Variants in ITFG1 observed in about 807,000 individuals in gnomAD.
ITFG1 encodes the protein integrin alpha FG-GAP repeat containing 1.
In ITFG1, 34 loss-of-function variants were observed where a neutral mutation model predicts 81.8. The ratio of observed to expected loss-of-function variants is 0.42; its 90% CI spans 0.32 to 0.55. ITFG1 has a LOEUF of 0.55. ITFG1 is among the 20% of genes least tolerant of loss of function. ITFG1 has a pLI of 0.17. For missense variants in ITFG1, 672 were observed against 755.4 expected, an observed-to-expected ratio of 0.89 and a Z score of 1.29; for synonymous variants, 285 against 270.6, an observed-to-expected ratio of 1.05 and a Z score of -0.52.
chr16:47,347,058 T>C lies in ITFG1; in HGVS notation c.802+18730A>G, dbSNP rs538917318. Among the ~76,000 whole-genome samples, 9 of 152,216 alleles carry C rather than the reference T, an allele frequency of 5.9e-5. No homozygotes were observed. In the South Asian group the frequency reaches 1.0e-3, roughly 18 times the overall value. ...ACAACACATTAAAGATTCACCACGA[T>C]TGGGGCGGTTCCAAGATGGCCGAAT... On this transcript the variant is annotated intron_variant, in intron 8 of 17. Transcript: ENST00000320640.
chr16:47,336,668 G>A lies in ITFG1; in HGVS notation c.803-22845C>T, dbSNP rs569860943. Among the ~76,000 whole-genome samples the A allele has an allele frequency of 2.6e-5, 4 of 152,190 alleles. 1 individual carries two copies. Among genetic ancestry groups the A allele is most frequent in the South Asian group, 4.2e-4 (2 of 4,814 alleles). ...CTGGAGAAAAAGCTAAGGGAAATTC[G>A]TTAAGAAATTAGGGGTCGGGCATGG... On this transcript the variant is annotated intron_variant, in intron 8 of 17. Transcript: ENST00000320640.
chr16:47,345,220 G>A (rs181632195), intron 8 of ITFG1, among the ~76,000 whole-genome samples: 1 of 151,940 alleles, frequency 6.6e-6, no homozygotes, highest in African/African-American at 2.4e-5. Flanking sequence ...ATGGTCTTGA[G>A]CTACACATGA....
chr16:47,432,647 A>C (rs769492954), intron 5 of ITFG1, among the ~76,000 whole-genome samples: 23 of 152,380 alleles, frequency 1.5e-4, no homozygotes, highest in Middle Eastern at 3.4e-3. Flanking sequence ...CATGGTAATA[A>C]GAAAATATTA....
chr16:47,419,352 T>A (rs1413970592), intron 6 of ITFG1, among the ~76,000 whole-genome samples: 3 of 152,016 alleles, frequency 2.0e-5, no homozygotes. Flanking sequence ...CACTGCAGCC[T>A]CAACCTCCCA....
intron 2 of ITFG1, among the ~76,000 whole-genome samples, 157 bp downstream of exon 2, chr16:47,458,946 C>T (rs1221291354): frequency 6.6e-6 from 1 of 152,144 alleles, no homozygotes; most frequent in Non-Finnish European, 1.5e-5. Context: ...GGTATTTTCA[C>T]TATTTTTCCA....
At chr16:47,460,081 TCAAAG>T (rs1386225624) in intron 1 of ITFG1, among the ~76,000 whole-genome samples, 1 of 152,206 alleles carries the variant, frequency 6.6e-6, no homozygotes, top group Non-Finnish European at 1.5e-5. Context: ...TTAACGATTG[TCAAAG>T]CAAAGAATTT....
chr16:47,267,959 C>T (rs570858347), intron 10 of ITFG1, among the ~76,000 whole-genome samples: 1 of 151,736 alleles, frequency 6.6e-6, no homozygotes, highest in African/African-American at 2.4e-5. Context: ...AACAAATGAC[C>T]TCAGTTACCT....
chr16:47,390,656 C>T (rs1335079610), intron 6 of ITFG1, among the ~76,000 whole-genome samples: 1 of 152,056 alleles, frequency 6.6e-6, no homozygotes, highest in Non-Finnish European at 1.5e-5. Context: ...GATGGGGTTT[C>T]ACCATGTTGG....
Position 47,303,095 on chromosome 16 carries a change from C to A in ITFG1, c.1070+8145G>T, listed in dbSNP as rs375268595. On this transcript the variant is annotated intron_variant, in intron 10 of 17. Transcript: ENST00000320640. ...GACCATGCTGGCTAACAAGGTGAAA[C>A]CCCGTCTCTACTAAAAATACAAAAA... is the stretch of plus-strand genomic sequence containing the variant. 5.3e-5 allele frequency among the ~76,000 whole-genome samples: 8 copies of A among 152,164 alleles called. No homozygotes were observed. In the East Asian group the frequency reaches 5.8e-4, roughly 11 times the overall value.
chr16:47,290,019 C>G (rs889926979), intron 10 of ITFG1, among the ~76,000 whole-genome samples: 1 of 152,044 alleles, frequency 6.6e-6, no homozygotes, highest in Non-Finnish European at 1.5e-5. Flanking sequence ...ATGCTGTTTT[C>G]CTATCTTCAT....
At chr16:47,360,034 C>T (rs898747478) in intron 8 of ITFG1, among the ~76,000 whole-genome samples, 2 of 152,094 alleles carry the variant, frequency 1.3e-5, no homozygotes, top group South Asian at 2.1e-4. Flanking sequence ...AACTCTAAAA[C>T]GTTTTTTGAA....
intron 15 of ITFG1, 68 bp downstream of exon 15, chr16:47,162,472 A>C: frequency 8.1e-7 from 1 of 1,236,358 alleles, no homozygotes; most frequent in South Asian, 1.6e-5. Flanking sequence ...CAAATTATTT[A>C]ATTTAAATAC....
At chr16:47,170,736 C>T (rs372848743) in intron 14 of ITFG1, among the ~76,000 whole-genome samples, 8 of 121,178 alleles carry the variant, frequency 6.6e-5, no homozygotes, top group Non-Finnish European at 9.8e-5. Flanking sequence ...TCTAGATTAT[C>T]TTTTTTTTTT....
chr16:47,313,333 A>G (rs2151565324), intron 9 of ITFG1, among the ~76,000 whole-genome samples: 1 of 152,326 alleles, frequency 6.6e-6, no homozygotes, highest in South Asian at 2.1e-4. Flanking sequence ...CTTACCTACA[A>G]GCTACAGGTA....
chr16:47,454,310 T>C lies in ITFG1; in HGVS notation c.282-152A>G, dbSNP rs181700623. Reference sequence around the variant, plus strand: ...CTCTTTCCTATCTTTTCATCCATCATGTATTTAGACCTCTTTGGTCTAAAA... The same window carrying C: ...CTCTTTCCTATCTTTTCATCCATCACGTATTTAGACCTCTTTGGTCTAAAA... On this transcript the variant is annotated intron_variant, in intron 2 of 17. Coordinates refer to ENST00000320640, the MANE Select transcript of ITFG1 (RefSeq NM_030790.5). The C allele has an allele frequency of 1.3e-5, 9 of 693,796 alleles. No individual in the cohort carries two copies. In the Admixed American group the frequency reaches 1.4e-4, roughly 11 times the overall value. The allele number at this position is 693,796 out of a possible 1,614,324, so 43.0% of individuals were successfully genotyped here.
At chr16:47,454,188 G>A in intron 2 of ITFG1, 30 bp from the exon 3 acceptor site, 1 of 1,554,096 alleles carries the variant, frequency 6.4e-7, no homozygotes, top group Non-Finnish European at 8.8e-7. Context: ...ACAAATATCA[G>A]ACAAGTTGTA....
chr16:47,325,809 C>A (rs923054008), intron 8 of ITFG1, among the ~76,000 whole-genome samples: 3 of 152,090 alleles, frequency 2.0e-5, no homozygotes, highest in African/African-American at 7.2e-5. Flanking sequence ...CAATAACAGG[C>A]TCTGAAACTG....
chr16:47,208,336 A>T (rs1364877161), intron 14 of ITFG1, among the ~76,000 whole-genome samples: 1 of 152,146 alleles, frequency 6.6e-6, no homozygotes, highest in Non-Finnish European at 1.5e-5. Flanking sequence ...CCTTTGTGAG[A>T]CTTAAAAAAA....
chr16:47,416,248 C>T (rs1329256597), intron 6 of ITFG1, among the ~76,000 whole-genome samples: 3 of 151,392 alleles, frequency 2.0e-5, no homozygotes, highest in Admixed American at 2.0e-4. Context: ...CCAGAAACAA[C>T]ATACATAACT....
Sources: gnomAD v4.1 joint callset for allele counts (sites outside exome capture counted in the v4.1 genomes callset) on GRCh38, gnomAD v4.1.1 for gene constraint, MANE v1.5 for transcripts, NCBI Gene and HGNC (gene_info 2026-07-23, HGNC 2026-07-21) for gene names.